Variants in MAD1L1 observed in about 807,000 individuals in gnomAD.
MAD1L1 encodes mitotic arrest deficient 1 like 1, also known as mitotic spindle assembly checkpoint protein MAD1.
In MAD1L1, 95 loss-of-function variants were observed where a neutral mutation model predicts 96.9. The observed-to-expected ratio is 0.98, with a 90% CI of 0.83 to 1.16. The LOEUF (loss-of-function observed/expected upper bound fraction) is 1.16. Ranked by LOEUF, MAD1L1 falls within the 50% of genes most tolerant of loss-of-function variation. MAD1L1 has a pLI of 0.00. For missense variants in MAD1L1, 1,007 were observed against 954.4 expected, an observed-to-expected ratio of 1.06 and a Z score of -0.73; for synonymous variants, 473 against 396.6, an observed-to-expected ratio of 1.19 and a Z score of -2.29.
chr7:1,827,304 C>T lies in MAD1L1; in HGVS notation c.1999-11076G>A, dbSNP rs945723175. The stretch of plus-strand genomic sequence containing the variant: ...ATGAAGGTTAAGGGAAGAAAGGGGA[C>T]GCAGCGGGCAGGGAGGACAGGTGCT... On this transcript the variant is annotated intron_variant, in intron 18 of 18. Coordinates refer to ENST00000265854, the MANE Select transcript of MAD1L1 (RefSeq NM_001013836.2). Among the ~76,000 whole-genome samples the T allele has an allele frequency of 2.0e-4, 30 of 152,200 alleles. No homozygotes were observed. The South Asian group carries it at 3.5e-3, about 18-fold the overall frequency.
intron 3 of MAD1L1, among the ~76,000 whole-genome samples, chr7:2,227,243 C>T (rs1156432886): frequency 2.6e-5 from 4 of 152,092 alleles, no homozygotes; most frequent in African/African-American, 9.7e-5. Context: ...CTGCAGTGAG[C>T]CAACATTGTA....
intron 12 of MAD1L1, among the ~76,000 whole-genome samples, chr7:2,033,929 A>C (rs896405756): frequency 1.3e-5 from 2 of 152,182 alleles, no homozygotes. Context: ...CATCTCTACA[A>C]AAAAAATTTT....
chr7:2,031,040 C>T (rs1783202648), intron 12 of MAD1L1, among the ~76,000 whole-genome samples: 3 of 152,192 alleles, frequency 2.0e-5, no homozygotes, highest in African/African-American at 7.2e-5. Flanking sequence ...GAGGAGCCCC[C>T]AGGAGAAAAA....
At chr7:1,837,033 T>C (rs1363153867) in intron 18 of MAD1L1, among the ~76,000 whole-genome samples, 6 of 152,200 alleles carry the variant, frequency 3.9e-5, no homozygotes, top group Admixed American at 3.3e-4. Context: ...AAAAGACATG[T>C]CATATATAAG....
In MAD1L1 at chr7:1,884,160, T is replaced by C. The variant is rs115374311; in HGVS notation, c.1998+14040A>G. Among the ~76,000 whole-genome samples the C allele has an allele frequency of 8.3e-3, 1,271 of 152,302 alleles. 15 individuals carry two copies. The highest frequency in any genetic ancestry group is 0.029 in the African/African-American group (1,216 of 41,562). On this transcript the variant is annotated intron_variant, in intron 18 of 18. Transcript: ENST00000265854. ...CAGTCTCCACTTGGGGCAGGGCCAG[T>C]GGCCAGGAGGGACGCAGCCGAGGCA...
chr7:1,882,680 G>A (rs550356323), intron 18 of MAD1L1, among the ~76,000 whole-genome samples: 1 of 152,330 alleles, frequency 6.6e-6, no homozygotes, highest in African/African-American at 2.4e-5. Context: ...GGAGCAAGAA[G>A]GCTGCTGGGT....
Position 1,816,350 on chromosome 7 carries a change from G to A in MAD1L1, c.1999-122C>T. The A allele has an allele frequency of 5.4e-6, 5 of 923,970 alleles. No homozygotes were observed. The East Asian group carries it at 9.9e-5, about 18-fold the overall frequency. The allele number at this position is 923,970 out of a possible 1,614,324, so 57.2% of individuals were successfully genotyped here. On this transcript the variant is annotated intron_variant, in intron 18 of 18. Transcript: ENST00000265854. ...TTCCCTCAGTCTGAGGACCTGGACA[G>A]GGGTAGATGCGTCCTCAACCCTGCC...
At chr7:2,199,029 G>T (rs1792143266) in intron 10 of MAD1L1, among the ~76,000 whole-genome samples, 1 of 152,222 alleles carries the variant, frequency 6.6e-6, no homozygotes, top group South Asian at 2.1e-4. Context: ...CTTGGGCGGG[G>T]CTATCCAGGA....
chr7:2,185,450 C>T (rs969199064), intron 10 of MAD1L1, among the ~76,000 whole-genome samples: 2 of 152,122 alleles, frequency 1.3e-5, no homozygotes, highest in Non-Finnish European at 2.9e-5. Context: ...ATTTTCAATA[C>T]TCACTCAATT....
intron 13 of MAD1L1, among the ~76,000 whole-genome samples, chr7:2,005,800 CA>C (rs1455784906): frequency 1.3e-5 from 2 of 150,616 alleles, no homozygotes; most frequent in Non-Finnish European, 3.0e-5. Flanking sequence ...GACCCTGTGT[CA>C]AAAAAACAAA....
intron 11 of MAD1L1, among the ~76,000 whole-genome samples, chr7:2,079,283 G>A (rs139617148): frequency 7.9e-4 from 120 of 152,312 alleles, no homozygotes; most frequent in African/African-American, 2.6e-3. Flanking sequence ...CAGGCTCAGC[G>A]TGGCACGCAG....
intron 12 of MAD1L1, among the ~76,000 whole-genome samples, chr7:2,064,265 G>C (rs1247696550): frequency 6.6e-6 from 1 of 152,162 alleles, no homozygotes; most frequent in African/African-American, 2.4e-5. Context: ...CCCTCCACCA[G>C]AAAGGGCATG....
At chr7:1,868,369 C>G (rs925058881) in intron 18 of MAD1L1, among the ~76,000 whole-genome samples, 5 of 152,180 alleles carry the variant, frequency 3.3e-5, no homozygotes, top group Admixed American at 1.3e-4. Context: ...CTGCTGCCGC[C>G]CAGCACACAC....
At chr7:2,012,180 CCAAA>C (rs1426832912) in intron 13 of MAD1L1, among the ~76,000 whole-genome samples, 2 of 152,164 alleles carry the variant, frequency 1.3e-5, no homozygotes, top group African/African-American at 4.8e-5. Context: ...AGCACGGTGC[CCAAA>C]CAGTGCCAGC....
chr7:1,937,474 A>T (rs1030887379), intron 16 of MAD1L1, among the ~76,000 whole-genome samples: 1 of 152,114 alleles, frequency 6.6e-6, no homozygotes, highest in African/African-American at 2.4e-5. Context: ...TTGAGGGAGG[A>T]GTGCGCCTGG....
chr7:2,014,079 A>G (rs538254266), intron 13 of MAD1L1, among the ~76,000 whole-genome samples: 1 of 152,270 alleles, frequency 6.6e-6, no homozygotes, highest in South Asian at 2.1e-4. Context: ...CCTGCCCGTC[A>G]GGCCCCAGCA....
intron 10 of MAD1L1, among the ~76,000 whole-genome samples, chr7:2,163,532 C>A (rs1431021152): frequency 6.6e-6 from 1 of 152,080 alleles, no homozygotes; most frequent in Non-Finnish European, 1.5e-5. Flanking sequence ...TGACACCACA[C>A]CTGGCTAATT....
chr7:2,114,496 C>T lies in MAD1L1; in HGVS notation c.1073+34656G>A, dbSNP rs1209990939. On this transcript the variant is annotated intron_variant, in intron 11 of 18. Coordinates refer to ENST00000265854, the MANE Select transcript of MAD1L1 (RefSeq NM_001013836.2). The surrounding 1 kb of genome is among the most constrained non-coding windows in gnomAD (Gnocchi z 4.2). ...TTGCGAGAAATGAAAGCCTGGCTGC[C>T]GGGATCAATCTTGCGGGTCACCTCC... Among the ~76,000 whole-genome samples the T allele has an allele frequency of 6.6e-6, 1 of 152,228 alleles. No homozygotes were observed. Among genetic ancestry groups the T allele is most frequent in the Non-Finnish European group, 1.5e-5 (1 of 68,044 alleles).
intron 12 of MAD1L1, among the ~76,000 whole-genome samples, chr7:2,039,406 G>A (rs1291533068): frequency 6.6e-6 from 1 of 152,222 alleles, no homozygotes; most frequent in Non-Finnish European, 1.5e-5. Flanking sequence ...GGTCATATGG[G>A]AGCTGCAGTG....
Sources: gnomAD v4.1 joint callset for allele counts (sites outside exome capture counted in the v4.1 genomes callset) on GRCh38, gnomAD v4.1.1 for gene constraint, Gnocchi (gnomAD v3.1) non-coding constraint, MANE v1.5 for transcripts, NCBI Gene and HGNC (gene_info 2026-07-23, HGNC 2026-07-21) for gene names.